The following NTM variants were observed in gnomAD, a reference collection of about 807,000 sequenced individuals.
NTM encodes the protein neurotrimin, also known as IgLON family member 2.
NTM carries 13 observed loss-of-function variants against 42.1 expected under a neutral mutation model. The ratio of observed to expected loss-of-function variants is 0.31; its 90% confidence interval spans 0.20 to 0.49. NTM has a LOEUF of 0.49. Ranked by LOEUF, NTM falls within the 20% of genes least tolerant of loss-of-function variation. NTM has a pLI of 0.99. For synonymous variants in NTM, 187 were observed against 179.2 expected (o/e 1.04, Z -0.35); for missense variants, 373 against 452.8 (o/e 0.82, Z 1.60).
intron 2 of NTM, among the ~76,000 whole-genome samples, chr11:131,977,550 T>G (rs2064590897): frequency 6.6e-6 from 1 of 152,216 alleles, no homozygotes; most frequent in South Asian, 2.1e-4. Context: ...GGTCTTAAGG[T>G]CTTGCCAGCT....
At chr11:131,616,663 C>T (rs940554032) in intron 1 of NTM, among the ~76,000 whole-genome samples, 1 of 152,094 alleles carries the variant, frequency 6.6e-6, no homozygotes, top group Non-Finnish European at 1.5e-5. Context: ...CTTCCCCACC[C>T]GGCTCCTCTG....
intron 1 of NTM, among the ~76,000 whole-genome samples, chr11:131,762,498 G>T (rs2084372661): frequency 6.6e-6 from 1 of 152,238 alleles, no homozygotes; most frequent in Non-Finnish European, 1.5e-5. Flanking sequence ...GCCAAGGGCA[G>T]GTTGGCGCTG....
At chr11:131,563,579 C>CTTTTTTTTTT (rs71911433) in intron 1 of NTM, among the ~76,000 whole-genome samples, 65 of 88,760 alleles carry the variant, frequency 7.3e-4, no homozygotes, top group African/African-American at 2.8e-3. Context: ...GCTCCAGACA[C>CTTTTTTTTTT]TTTTTTTTTT....
At chr11:131,386,099 A>G (rs979943203) in intron 1 of NTM, among the ~76,000 whole-genome samples, 3 of 152,262 alleles carry the variant, frequency 2.0e-5, no homozygotes, top group Non-Finnish European at 2.9e-5. Context: ...ATAGATAAAC[A>G]CAATGAGGTC....
intron 2 of NTM, among the ~76,000 whole-genome samples, chr11:132,111,063 C>CAAAAAAAAAAAAAAAAAAAAA (rs57458373): frequency 5.6e-5 from 2 of 35,466 alleles, no homozygotes; most frequent in Non-Finnish European, 4.7e-5. Flanking sequence ...GGCCCTATCT[C>CAAAAAAAAAAAAAAAAAAAAA]AAAAAAAAAA....
At chr11:132,242,069 C>T (rs2090299582) in intron 4 of NTM, among the ~76,000 whole-genome samples, 1 of 152,130 alleles carries the variant, frequency 6.6e-6, no homozygotes. Flanking sequence ...TGTTTGATGC[C>T]ATCTCATTCG....
At chr11:131,832,792 G>C (rs533601882) in intron 1 of NTM, among the ~76,000 whole-genome samples, 3 of 152,150 alleles carry the variant, frequency 2.0e-5, no homozygotes, top group African/African-American at 4.8e-5. Context: ...GTATGTACGT[G>C]CATATGTATG....
intron 1 of NTM, among the ~76,000 whole-genome samples, chr11:131,631,801 C>T (rs1212773112): frequency 6.6e-6 from 1 of 152,164 alleles, no homozygotes; most frequent in Non-Finnish European, 1.5e-5. Context: ...TCAGGCAACT[C>T]GGCTGCCGTA....
chr11:132,008,170 G>C (rs959605164), intron 2 of NTM, among the ~76,000 whole-genome samples: 1 of 152,188 alleles, frequency 6.6e-6, no homozygotes, highest in African/African-American at 2.4e-5. Context: ...GGATCATGAC[G>C]TGGTGGACTG....
chr11:132,265,482 T>C (rs984231511), intron 4 of NTM, among the ~76,000 whole-genome samples: 16 of 152,202 alleles, frequency 1.1e-4, no homozygotes, highest in South Asian at 2.1e-4. Context: ...AACTCTCCCT[T>C]GCCTTCTGAA....
intron 2 of NTM, among the ~76,000 whole-genome samples, chr11:131,994,923 C>G (rs772633797): frequency 6.6e-6 from 1 of 152,074 alleles, no homozygotes; most frequent in Non-Finnish European, 1.5e-5. Context: ...GTCCTAGATT[C>G]CTCCCCCTCT....
intron 1 of NTM, among the ~76,000 whole-genome samples, chr11:131,903,727 A>T (rs1249130869): frequency 6.6e-6 from 1 of 152,028 alleles, no homozygotes; most frequent in East Asian, 1.9e-4. Context: ...TCTCATCCAA[A>T]CTCCTCATTT....
intron 1 of NTM, among the ~76,000 whole-genome samples, chr11:131,467,066 T>C (rs1951968236): frequency 6.6e-6 from 1 of 152,212 alleles, no homozygotes; most frequent in South Asian, 2.1e-4. Context: ...CTCTGAAGAA[T>C]TGCTTCAGTA....
intron 1 of NTM, chr11:131,795,642 G>A: frequency 1.0e-6 from 1 of 985,386 alleles, no homozygotes; most frequent in Non-Finnish European, 1.2e-6. Flanking sequence ...TTCCCATGTA[G>A]GCCAGTACAG....
At chr11:132,235,805 A>C (rs1243416770) in intron 4 of NTM, among the ~76,000 whole-genome samples, 3 of 152,058 alleles carry the variant, frequency 2.0e-5, no homozygotes, top group Admixed American at 6.6e-5. Context: ...ATTAATATTC[A>C]CCTCTGGCAT....
intron 2 of NTM, among the ~76,000 whole-genome samples, chr11:131,971,021 A>G (rs1039455192): frequency 2.0e-5 from 3 of 152,136 alleles, no homozygotes; most frequent in Non-Finnish European, 2.9e-5. Context: ...TCTAACCCAA[A>G]CAAGCCTATG....
chr11:131,692,496 C>T (rs2074914488), intron 1 of NTM, among the ~76,000 whole-genome samples: 1 of 152,210 alleles, frequency 6.6e-6, no homozygotes, highest in Admixed American at 6.5e-5. Context: ...ATCTCCCAGG[C>T]AGATCTCTGA....
chr11:132,110,804 G>T lies in NTM; in HGVS notation c.168-35478G>T, dbSNP rs181082428. Reference sequence around the variant, plus strand: ...AATTCCAACACTTTGTGAGGCTGAGGTGGGAGGATCACTTGAGCTCAGATG... The same window carrying T: ...AATTCCAACACTTTGTGAGGCTGAGTTGGGAGGATCACTTGAGCTCAGATG... On this transcript the variant is annotated intron_variant, in intron 2 of 8. Coordinates refer to ENST00000683400, the MANE Select transcript of NTM (RefSeq NM_001352005.2). Among the ~76,000 whole-genome samples, 308 of 152,034 alleles carry T rather than the reference G, an allele frequency of 2.0e-3. 1 individual carries two copies. The highest frequency in any genetic ancestry group is 7.1e-3 in the African/African-American group (296 of 41,476).
At chr11:131,617,740 C>A (rs573791753) in intron 1 of NTM, among the ~76,000 whole-genome samples, 178 of 152,346 alleles carry the variant, frequency 1.2e-3, no homozygotes, top group African/African-American at 4.0e-3. Flanking sequence ...GCTTCCACAA[C>A]ACAAAGGATT....
Sources: allele counts gnomAD v4.1 joint callset (sites outside exome capture counted in the v4.1 genomes callset), GRCh38; gene constraint gnomAD v4.1.1; transcripts MANE v1.5; gene names NCBI Gene and HGNC (gene_info 2026-07-23, HGNC 2026-07-21).